Variants in RPA3 observed in about 807,000 individuals in gnomAD.
RPA3 encodes the protein replication protein A 14 kDa subunit.
In RPA3, 24 loss-of-function variants were observed where a neutral mutation model predicts 13.7. That is an observed-to-expected ratio of 1.75 (90% CI 1.27 to 2.46). The LOEUF (loss-of-function observed/expected upper bound fraction) is 2.46. Ranked by LOEUF, RPA3 falls within the 30% of genes most tolerant of loss-of-function variation. The pLI, the probability that RPA3 is intolerant of heterozygous loss-of-function variation, is 0.00. For synonymous variants in RPA3, 59 were observed against 51.2 expected (o/e 1.15, Z -0.65); for missense variants, 183 against 151.0 (o/e 1.21, Z -1.11).
chr7:7,686,421 A>G (rs958493058), intron 3 of RPA3, among the ~76,000 whole-genome samples: 1 of 151,996 alleles, frequency 6.6e-6, no homozygotes, highest in African/African-American at 2.4e-5. Flanking sequence ...GTTTTTTTGT[A>G]TTTTTTATCA....
At chr7:7,688,514 C>G (rs1437464513) in intron 2 of RPA3, among the ~76,000 whole-genome samples, 1 of 152,096 alleles carries the variant, frequency 6.6e-6, no homozygotes, top group Non-Finnish European at 1.5e-5. Flanking sequence ...GCAGAGTGCC[C>G]AGCTTGTTTC....
intron 2 of RPA3, among the ~76,000 whole-genome samples, chr7:7,691,747 A>C (rs916431884): frequency 4.6e-5 from 7 of 152,168 alleles, no homozygotes; most frequent in Admixed American, 1.3e-4. Context: ...AATTTATTCT[A>C]ATCTTTATCG....
intron 6 of RPA3, chr7:7,638,201 C>T (rs1171528567): frequency 2.6e-5 from 10 of 383,956 alleles, no homozygotes; most frequent in Non-Finnish European, 3.4e-5. Context: ...TCCAAAGCTA[C>T]AATTCAAGTT....
chr7:7,679,627 T>G (rs1433599261), intron 4 of RPA3, among the ~76,000 whole-genome samples: 2 of 57,656 alleles, frequency 3.5e-5, no homozygotes, highest in African/African-American at 1.5e-4. Context: ...AAATATATAT[T>G]TATATATTTA....
rs187580184 is a variant in RPA3 at position 7,655,317 on chromosome 7, G to A, written c.-757-14142C>T. Among the ~76,000 whole-genome samples, 24 of 152,224 alleles carry A rather than the reference G, an allele frequency of 1.6e-4. No individual in the cohort carries two copies. The East Asian group carries it at 3.1e-3, about 20-fold the overall frequency. On this transcript the variant is annotated intron_variant, in intron 4 of 7. Transcript: ENST00000223129. ...AGGATTTCATGTTTGAAATCCACGTGTCTCATTTGGAAAAAGCTTTTCCTG... is the reference window on the plus strand; with the variant it reads ...AGGATTTCATGTTTGAAATCCACGTATCTCATTTGGAAAAAGCTTTTCCTG...
At chr7:7,680,209 G>C (rs906612348) in intron 4 of RPA3, among the ~76,000 whole-genome samples, 1 of 152,030 alleles carries the variant, frequency 6.6e-6, no homozygotes, top group Non-Finnish European at 1.5e-5. Flanking sequence ...ATTTTGATTT[G>C]ATTTTTGTAT....
At chr7:7,666,336 T>C (rs939697475) in intron 4 of RPA3, among the ~76,000 whole-genome samples, 4 of 152,018 alleles carry the variant, frequency 2.6e-5, no homozygotes, top group Non-Finnish European at 5.9e-5. Flanking sequence ...GCCGAATAGC[T>C]GGGACCTCAG....
At chr7:7,644,262 A>T (rs1203584795) in intron 4 of RPA3, among the ~76,000 whole-genome samples, 1 of 149,336 alleles carries the variant, frequency 6.7e-6, no homozygotes, top group African/African-American at 2.5e-5. Flanking sequence ...TTTCTTACTG[A>T]CTTTTAAGAG....
At chr7:7,694,293 G>T (rs1175878353) in intron 2 of RPA3, among the ~76,000 whole-genome samples, 1 of 151,970 alleles carries the variant, frequency 6.6e-6, no homozygotes, top group Non-Finnish European at 1.5e-5. Flanking sequence ...ATGAGATTTT[G>T]ATACAGGCAT....
At chr7:7,715,841 A>C (rs1780887935) in intron 1 of RPA3, among the ~76,000 whole-genome samples, 1 of 152,218 alleles carries the variant, frequency 6.6e-6, no homozygotes, top group Non-Finnish European at 1.5e-5. Context: ...AATAGCATCA[A>C]ACATTTAAAA....
At chr7:7,697,910 A>G (rs989801033) in intron 2 of RPA3, among the ~76,000 whole-genome samples, 2 of 152,162 alleles carry the variant, frequency 1.3e-5, no homozygotes, top group Non-Finnish European at 2.9e-5. Context: ...GAAAATTTTG[A>G]TATTCCCTCA....
chr7:7,684,760 C>T (rs776915360), intron 4 of RPA3, among the ~76,000 whole-genome samples: 2 of 152,136 alleles, frequency 1.3e-5, no homozygotes, highest in Admixed American at 1.3e-4. Flanking sequence ...GATTAACACC[C>T]GTAAACTTTT....
At chr7:7,718,377 C>A (rs2115180286) in intron 1 of RPA3, 138 bp downstream of exon 1, 1 of 152,318 alleles carries the variant, frequency 6.6e-6, no homozygotes, top group East Asian at 1.9e-4. Flanking sequence ...ATATTCCCAG[C>A]ACTAGCATGG....
chr7:7,698,866 T>A (rs1276251879), intron 2 of RPA3, among the ~76,000 whole-genome samples: 1 of 151,032 alleles, frequency 6.6e-6, no homozygotes, highest in Non-Finnish European at 1.5e-5. Flanking sequence ...ACTCACCCTC[T>A]TGTCTTTTTT....
intron 4 of RPA3, among the ~76,000 whole-genome samples, chr7:7,683,062 G>A (rs1221843837): frequency 6.6e-6 from 1 of 152,198 alleles, no homozygotes; most frequent in African/African-American, 2.4e-5. Flanking sequence ...TGAATGTACA[G>A]TGAAAGGCAA....
At chr7:7,649,275 G>A (rs1785168592) in intron 4 of RPA3, among the ~76,000 whole-genome samples, 1 of 152,140 alleles carries the variant, frequency 6.6e-6, no homozygotes, top group African/African-American at 2.4e-5. Flanking sequence ...GCAGGGGCTT[G>A]TTATGAGGAA....
chr7:7,644,967 C>A (rs1273540925), intron 4 of RPA3, among the ~76,000 whole-genome samples: 3 of 152,152 alleles, frequency 2.0e-5, no homozygotes, highest in Non-Finnish European at 4.4e-5. Flanking sequence ...CTCTTAAAAT[C>A]TTTCCAAAAG....
chr7:7,647,913 A>T (rs1785133722), intron 4 of RPA3, among the ~76,000 whole-genome samples: 1 of 152,058 alleles, frequency 6.6e-6, no homozygotes, highest in Non-Finnish European at 1.5e-5. Flanking sequence ...CTTGGCTTTA[A>T]AGTTTTTGTT....
chr7:7,646,480 A>ATTTTTTTTTTTTTTT (rs35948027), intron 4 of RPA3, among the ~76,000 whole-genome samples: 2 of 111,360 alleles, frequency 1.8e-5, no homozygotes, highest in Admixed American at 9.8e-5. Flanking sequence ...CTTTCGCTGG[A>ATTTTTTTTTTTTTTT]TTTTTTTTTT....
Sources: allele counts gnomAD v4.1 joint callset (sites outside exome capture counted in the v4.1 genomes callset), GRCh38; gene constraint gnomAD v4.1.1; transcripts MANE v1.5; gene names NCBI Gene and HGNC (gene_info 2026-07-23, HGNC 2026-07-21).